Variants in ABCB5 observed in about 807,000 individuals in gnomAD.
ABCB5 encodes the protein ATP-binding cassette sub-family B member 5.
In ABCB5, 155 loss-of-function variants were observed where a neutral mutation model predicts 144.2. That is an observed-to-expected ratio of 1.08 (90% CI 0.94 to 1.23). The LOEUF (loss-of-function observed/expected upper bound fraction) is 1.23, where lower values mean the gene tolerates loss of function less well. ABCB5 is among the 50% of genes most tolerant of loss of function. The pLI, the probability that ABCB5 is intolerant of heterozygous loss-of-function variation, is 0.00. For synonymous variants in ABCB5, 610 were observed against 528.6 expected, an observed-to-expected ratio of 1.15 and a Z score of -2.11; for missense variants, 1,830 against 1,520.8, an observed-to-expected ratio of 1.20 and a Z score of -3.38.
chr7:20,712,256 T>C (rs969514558), intron 20 of ABCB5, among the ~76,000 whole-genome samples: 14 of 148,392 alleles, frequency 9.4e-5, no homozygotes, highest in Non-Finnish European at 2.1e-4. Flanking sequence ...CCTTATCTTT[T>C]TTCCTCTGAT....
At chr7:20,659,346 G>A (rs1053626504) in intron 14 of ABCB5, 31 of 1,296,798 alleles carry the variant, frequency 2.4e-5, no homozygotes, top group Non-Finnish European at 2.8e-5. Context: ...CCCCTTACAA[G>A]GCTTAATGGC....
At chr7:20,740,249 T>G (rs1189546903) in intron 24 of ABCB5, among the ~76,000 whole-genome samples, 8 of 151,982 alleles carry the variant, frequency 5.3e-5, no homozygotes, top group Non-Finnish European at 1.2e-4. Flanking sequence ...CAAAAATAAA[T>G]AAATAAATAC....
At chr7:20,703,312 G>C (rs1309027248) in intron 19 of ABCB5, among the ~76,000 whole-genome samples, 1 of 152,204 alleles carries the variant, frequency 6.6e-6, no homozygotes, top group Non-Finnish European at 1.5e-5. Flanking sequence ...TGTTGCTGCT[G>C]TGTATTCACA....
rs181084644 is a variant in ABCB5, at chr7:20,623,683, G to A, written c.53+345G>A. Among the ~76,000 whole-genome samples, 8 of 152,202 alleles carry A rather than the reference G, an allele frequency of 5.3e-5. No homozygotes were observed. In the East Asian group the frequency reaches 1.2e-3, roughly 22 times the overall value. On this transcript the variant is annotated intron_variant, in intron 2 of 27. Transcript: ENST00000404938. Reference sequence around the variant, plus strand: ...ATTCTCTGTGGACCCTTCATTCCATGTGGTACCTTTAATAAAAGAAAATAT... The same window carrying A: ...ATTCTCTGTGGACCCTTCATTCCATATGGTACCTTTAATAAAAGAAAATAT...
At chr7:20,662,311 G>A (rs1050082059) in intron 14 of ABCB5, among the ~76,000 whole-genome samples, 27 of 152,128 alleles carry the variant, frequency 1.8e-4, no homozygotes, top group African/African-American at 6.0e-4. Flanking sequence ...CCTATGATGC[G>A]CCCCGTTGGT....
At chr7:20,630,027 G>T (rs192402328) in intron 4 of ABCB5, among the ~76,000 whole-genome samples, 1 of 152,026 alleles carries the variant, frequency 6.6e-6, no homozygotes, top group South Asian at 2.1e-4. Flanking sequence ...GGCATCTTTC[G>T]TGTATCGTTT....
At chr7:20,707,778 C>T (rs997763035) in intron 20 of ABCB5, among the ~76,000 whole-genome samples, 4 of 149,878 alleles carry the variant, frequency 2.7e-5, no homozygotes, top group Non-Finnish European at 5.9e-5. Flanking sequence ...GATATTATTA[C>T]CTGGACAATG....
At chr7:20,659,011 GCTT>G in intron 14 of ABCB5, 1 of 1,586,678 alleles carries the variant, frequency 6.3e-7, no homozygotes, top group South Asian at 1.1e-5. Context: ...CCCACCCTTT[GCTT>G]CTTCTACATA....
chr7:20,658,655 T>C lies in ABCB5; in HGVS notation c.1686T>C (p.Ala562=), dbSNP rs1784894811. ...CCCTGGATTCAGAAAGCAAGTCAGC[T>C]GTTCAAGCTGCACTGGAGAAGGTAA... ...TSALDSESKS[A]VQAALEKASK... The change falls in exon 14 of 28, where the codon GCT becomes GCC. Residue 562 remains alanine, a synonymous_variant. Transcript: ENST00000404938. 1.2e-6 allele frequency: 2 copies of C among 1,614,050 alleles called. No homozygotes were observed. The highest frequency in any genetic ancestry group is 2.7e-5 in the African/African-American group (2 of 74,944).
At chr7:20,639,936 T>G (rs1313446267) in intron 5 of ABCB5, among the ~76,000 whole-genome samples, 1 of 152,156 alleles carries the variant, frequency 6.6e-6, no homozygotes, top group Non-Finnish European at 1.5e-5. Context: ...ATAGATAAAT[T>G]TGGGGAAGAT....
At chr7:20,724,872 C>G (rs1003863427) in intron 21 of ABCB5, among the ~76,000 whole-genome samples, 2 of 152,082 alleles carry the variant, frequency 1.3e-5, no homozygotes, top group Admixed American at 1.3e-4. Context: ...TTTTTTTGCA[C>G]AAGATAAGGA....
intron 9 of ABCB5, chr7:20,647,181 G>A (rs1045767389): frequency 1.5e-5 from 9 of 588,944 alleles, no homozygotes; most frequent in African/African-American, 4.1e-5. Flanking sequence ...ACAAGGAGGG[G>A]AGTGCAACTC....
At chr7:20,704,853 C>T in intron 20 of ABCB5, 46 bp downstream of exon 20, 1 of 1,466,772 alleles carries the variant, frequency 6.8e-7, no homozygotes, top group South Asian at 1.2e-5. Context: ...ATGTGGTGTG[C>T]ACACATGCAA....
At chr7:20,707,731 A>T (rs115655962) in intron 20 of ABCB5, among the ~76,000 whole-genome samples, 1,554 of 152,044 alleles carry the variant, frequency 0.01, 27 homozygotes, top group African/African-American at 0.036. Context: ...TCACGTATTA[A>T]TTCCAAAAAC....
chr7:20,680,051 C>T (rs190145175), intron 14 of ABCB5, among the ~76,000 whole-genome samples: 1 of 152,148 alleles, frequency 6.6e-6, no homozygotes, highest in Non-Finnish European at 1.5e-5. Flanking sequence ...GTGGTATAGT[C>T]ACGCAATAGA....
intron 20 of ABCB5, among the ~76,000 whole-genome samples, chr7:20,710,887 T>C (rs1372831964): frequency 6.7e-6 from 1 of 150,220 alleles, no homozygotes; most frequent in Non-Finnish European, 1.5e-5. Context: ...TAAAATTTTT[T>C]AGTATTCTAT....
At chr7:20,668,932 A>G in intron 14 of ABCB5, among the ~76,000 whole-genome samples, 2 of 91,642 alleles carry the variant, frequency 2.2e-5, no homozygotes, top group Non-Finnish European at 4.1e-5. Flanking sequence ...CTAGGAAGTG[A>G]GGACCCCTCT....
At chr7:20,703,895 C>G (rs893356644) in intron 19 of ABCB5, among the ~76,000 whole-genome samples, 1 of 152,036 alleles carries the variant, frequency 6.6e-6, no homozygotes, top group African/African-American at 2.4e-5. Context: ...AGTTTCACAG[C>G]CTTCTGCCCT....
intron 20 of ABCB5, among the ~76,000 whole-genome samples, chr7:20,715,185 A>G (rs564021549): frequency 2.6e-5 from 4 of 152,020 alleles, no homozygotes; most frequent in South Asian, 2.1e-4. Flanking sequence ...GCTGGATTAC[A>G]GGTGCCTGCC....
Sources: allele counts gnomAD v4.1 joint callset (sites outside exome capture counted in the v4.1 genomes callset), GRCh38; gene constraint gnomAD v4.1.1; transcripts MANE v1.5; gene names NCBI Gene and HGNC (gene_info 2026-07-23, HGNC 2026-07-21).